Variants in ANO1 observed in about 807,000 individuals in gnomAD.
ANO1 encodes the protein anoctamin 1, also known as anoctamin-1.
Under a neutral mutation model 124.0 loss-of-function variants are expected in ANO1, and 59 were observed. That is an observed-to-expected ratio of 0.48 (90% CI 0.39 to 0.59). The LOEUF is 0.59. Ranked by LOEUF, ANO1 falls within the 20% of genes least tolerant of loss-of-function variation. The probability of loss-of-function intolerance (pLI) is 0.00; values close to 1 mark genes in which losing one functional copy is unlikely to be tolerated. For synonymous variants in ANO1, 529 were observed against 532.0 expected (o/e 0.99, Z 0.08); for missense variants, 1,059 against 1,328.0 (o/e 0.80, Z 3.15).
intron 2 of ANO1, among the ~76,000 whole-genome samples, chr11:70,096,515 G>C (rs1304219545): frequency 1.3e-5 from 2 of 152,156 alleles, no homozygotes; most frequent in African/African-American, 2.4e-5. Context: ...GTGCATGCGA[G>C]GGATCTAGAT....
At chr11:70,160,820 G>A (rs747018639) in intron 16 of ANO1, among the ~76,000 whole-genome samples, 72 of 152,220 alleles carry the variant, frequency 4.7e-4, no homozygotes, top group African/African-American at 1.6e-3. Context: ...CCTGGGCTCC[G>A]GGAAGATGGT....
chr11:70,025,259 G>A, intron 1 of ANO1, among the ~76,000 whole-genome samples: 1 of 152,190 alleles, frequency 6.6e-6, no homozygotes, highest in South Asian at 2.1e-4. Context: ...AACTTATAAG[G>A]TGGTAGTGAG....
At position 70,188,128 on chromosome 11, in the gene ANO1, G is replaced by C. The variant is rs376401478; in HGVS notation, c.*124G>C. ...TCCTGGGTTTTCTGCAAACATGGAG[G>C]ACCACTTTCTGATAGGACATTTTCC... is the stretch of plus-strand genomic sequence containing the variant. On this transcript the variant is annotated 3_prime_UTR_variant, in exon 26 of 26. Transcript: ENST00000355303. The C allele has an allele frequency of 8.8e-7, 1 of 1,133,280 alleles. No homozygotes were observed. Among genetic ancestry groups the C allele is most frequent in the Non-Finnish European group, 1.2e-6 (1 of 823,550 alleles). The allele number at this position is 1,133,280 out of a possible 1,614,324, so 70.2% of individuals were successfully genotyped here.
chr11:70,125,527 A>G (rs1565225879), intron 9 of ANO1, among the ~76,000 whole-genome samples: 2 of 150,126 alleles, frequency 1.3e-5, no homozygotes, highest in Admixed American at 6.6e-5. Context: ...AAAAAAAAAA[A>G]AAAAGAAAGA....
At position 70,010,179 on chromosome 11, in the gene ANO1, G is replaced by GTATATGTATATA. The variant is rs1856573868; in HGVS notation, c.58+24018_58+24019insGTATATATATAT. 7.3e-4 allele frequency among the ~76,000 whole-genome samples: 61 copies of GTATATGTATATA among 83,814 alleles called. 5 individuals are homozygous for GTATATGTATATA. In the East Asian group the frequency reaches 0.018, roughly 25 times the overall value. The allele number at this position is 83,814 out of a possible 152,430, so 55.0% of individuals were successfully genotyped here. A position where few individuals can be genotyped will look rare whatever the true frequency, so the allele number is the denominator to read the frequency against. On this transcript the variant is annotated intron_variant, in intron 1 of 27. Transcript: ENST00000531349. ...TGTGTGTGTGTGCGCGTGTGTGTGTGTATATATATATATATATATCACATT... is the reference window on the plus strand; with the variant it reads ...TGTGTGTGTGTGCGCGTGTGTGTGTGTATATGTATATATATATATATATATATATATCACATT...
At chr11:70,129,491 A>G (rs1437711270) in intron 10 of ANO1, 1 of 151,802 alleles carries the variant, frequency 6.6e-6, no homozygotes, top group African/African-American at 2.4e-5. Flanking sequence ...GTGTGTGCCT[A>G]CTCACCCTGC....
At chr11:70,153,620 A>G (rs948355404) in intron 14 of ANO1, among the ~76,000 whole-genome samples, 2 of 152,194 alleles carry the variant, frequency 1.3e-5, no homozygotes, top group Non-Finnish European at 2.9e-5. Flanking sequence ...AGGGTGAGAC[A>G]TGTTTTGCAA....
At chr11:70,113,126 C>A (rs916803713) in intron 7 of ANO1, among the ~76,000 whole-genome samples, 7 of 152,014 alleles carry the variant, frequency 4.6e-5, no homozygotes, top group African/African-American at 1.7e-4. Context: ...TTCCCCGCCC[C>A]ACCCCACCCC....
intron 10 of ANO1, among the ~76,000 whole-genome samples, chr11:70,127,335 GC>G (rs1565228248): frequency 6.6e-6 from 1 of 152,184 alleles, no homozygotes; most frequent in African/African-American, 2.4e-5. Context: ...TATCTGCACG[GC>G]CCCGAGAAAT....
intron 14 of ANO1, among the ~76,000 whole-genome samples, 183 bp from the exon 15 acceptor site, chr11:70,155,728 C>A (rs930792464): frequency 6.6e-6 from 1 of 152,230 alleles, no homozygotes; most frequent in Non-Finnish European, 1.5e-5. Flanking sequence ...GAACGTAGGT[C>A]TCTGCCGTCT....
chr11:70,128,567 C>T (rs954159343), intron 10 of ANO1, among the ~76,000 whole-genome samples: 33 of 152,238 alleles, frequency 2.2e-4, no homozygotes, highest in African/African-American at 8.0e-4. Context: ...CAGGATTCAG[C>T]CGCTGTGGGC....
intron 1 of ANO1, among the ~76,000 whole-genome samples, chr11:70,037,358 G>A (rs1361007934): frequency 6.6e-6 from 1 of 152,086 alleles, no homozygotes; most frequent in Non-Finnish European, 1.5e-5. Flanking sequence ...AATAGTTAAT[G>A]TATAGGGGTG....
intron 21 of ANO1, among the ~76,000 whole-genome samples, chr11:70,169,730 T>C (rs2048383659): frequency 6.6e-6 from 1 of 151,980 alleles, no homozygotes; most frequent in Admixed American, 6.5e-5. Context: ...GGAGAGAACT[T>C]GCAGGCCATT....
intron 1 of ANO1, among the ~76,000 whole-genome samples, chr11:70,036,290 C>T (rs1555004397): frequency 2.6e-5 from 4 of 152,208 alleles, no homozygotes; most frequent in Admixed American, 2.0e-4. Flanking sequence ...GCCTTTTCCT[C>T]TTCTACCTGT....
At chr11:70,046,377 C>A (rs1234183579) in intron 1 of ANO1, among the ~76,000 whole-genome samples, 1 of 152,150 alleles carries the variant, frequency 6.6e-6, no homozygotes, top group Non-Finnish European at 1.5e-5. Context: ...AACATACCTG[C>A]AGCTCTGAGA....
chr11:70,182,613 A>G lies in ANO1; in HGVS notation c.2515A>G (p.Asn839Asp). The change falls in exon 24 of 26, where the codon AAC (asparagine) becomes GAC (aspartate). Residue 839 changes from asparagine to aspartate, a missense_variant. By Grantham distance (23) the Asn-to-Asp change is conservative. Transcript: ENST00000355303. The stretch of plus-strand genomic sequence containing the variant: ...CGTCAACCACACCCTCTCCTCCTTC[A>G]ACGTCAGTGACTTCCAGAACGGCAC... ...GFVNHTLSSFNVSDFQNGTAP... is the reference protein window; with the variant it reads ...GFVNHTLSSFDVSDFQNGTAP... 6.2e-7 allele frequency: 1 copy of G among 1,613,554 alleles called. No homozygotes were observed. Among genetic ancestry groups the G allele is most frequent in the Non-Finnish European group, 8.5e-7 (1 of 1,179,708 alleles).
chr11:70,139,760 A>T (rs2047081841), intron 11 of ANO1, among the ~76,000 whole-genome samples: 1 of 152,244 alleles, frequency 6.6e-6, no homozygotes, highest in African/African-American at 2.4e-5. Flanking sequence ...TCCTTTGGGC[A>T]TATACCCAGT....
chr11:70,014,476 G>A (rs781879736), intron 1 of ANO1, among the ~76,000 whole-genome samples: 3 of 152,138 alleles, frequency 2.0e-5, no homozygotes, highest in Non-Finnish European at 4.4e-5. Context: ...GCTCTGTGCA[G>A]TTCTAGTTCA....
intron 23 of ANO1, among the ~76,000 whole-genome samples, chr11:70,181,600 A>G (rs944758528): frequency 6.6e-6 from 1 of 152,334 alleles, no homozygotes; most frequent in East Asian, 1.9e-4. Flanking sequence ...TGCGGAGCAC[A>G]GTGGGCATCT....
Sources: allele counts gnomAD v4.1 joint callset (sites outside exome capture counted in the v4.1 genomes callset), GRCh38; gene constraint gnomAD v4.1.1; transcripts MANE v1.5; gene names NCBI Gene and HGNC (gene_info 2026-07-23, HGNC 2026-07-21).